IP6K2: variants seen among roughly 807,000 people sequenced by gnomAD.
IP6K2 encodes inositol hexakisphosphate kinase 2, also known as ATP:1D-myo-inositol-hexakisphosphate phosphotransferase.
IP6K2 carries 9 observed loss-of-function variants against 43.3 expected under a neutral mutation model. The observed-to-expected ratio is 0.21, with a 90% confidence interval of 0.13 to 0.36. The LOEUF is 0.36. Ranked by LOEUF, IP6K2 falls within the 10% of genes least tolerant of loss-of-function variation. The pLI is 1.00. For missense variants in IP6K2, 332 were observed against 538.4 expected (o/e 0.62, Z 3.79); for synonymous variants, 209 against 202.4 (o/e 1.03, Z -0.28).
chr3:48,695,055 C>A lies in IP6K2; in HGVS notation c.202+35G>T, dbSNP rs2078178428. 2 of 1,614,176 alleles carry A rather than the reference C, an allele frequency of 1.2e-6. No homozygotes were observed. The highest frequency in any genetic ancestry group is 3.3e-5 in the Admixed American group (2 of 60,016). On this transcript the variant is annotated intron_variant, in intron 2 of 5. Transcript: ENST00000328631. The surrounding 1 kb of genome is among the most constrained non-coding windows in gnomAD (Gnocchi z 4.6). ...GGCCACGATCTCTCACATCTCCTCG[C>A]CAGTGTGGCAACCCCTCCAGCAGCT...
chr3:48,710,115 G>A (rs568793178), intron 1 of IP6K2, among the ~76,000 whole-genome samples: 4 of 152,322 alleles, frequency 2.6e-5, no homozygotes, highest in South Asian at 4.1e-4. Context: ...GGCCAGGCAC[G>A]GAGGCTCACA....
intron 1 of IP6K2, among the ~76,000 whole-genome samples, chr3:48,698,778 T>C (rs2078696056): frequency 6.6e-6 from 1 of 152,028 alleles, no homozygotes; most frequent in African/African-American, 2.4e-5. Context: ...CAGCCCAAAA[T>C]TTTTAAAAAA....
At position 48,688,955 on chromosome 3, in the gene IP6K2, T is replaced by C. The variant is rs953276591; in HGVS notation, c.781-182A>G. On this transcript the variant is annotated intron_variant, in intron 5 of 5. Coordinates refer to ENST00000328631, the MANE Select transcript of IP6K2 (RefSeq NM_016291.4). The surrounding 1 kb of genome is among the most constrained non-coding windows in gnomAD (Gnocchi z 5.1). ...TCAGCCCCCACCTGGGATGCAGCCA[T>C]CCAACCTGGGTTTGGTCATTGTGCC... 6.6e-6 allele frequency among the ~76,000 whole-genome samples: 1 copy of C among 152,186 alleles called. No individual in the cohort carries two copies. The highest frequency in any genetic ancestry group is 2.4e-5 in the African/African-American group (1 of 41,446).
intron 1 of IP6K2, chr3:48,715,395 CTCTGGCA>C (rs1349661975): frequency 1.3e-6 from 2 of 1,536,266 alleles, no homozygotes; most frequent in Non-Finnish European, 1.7e-6. Context: ...TTACAGAAGG[CTCTGGCA>C]TCCCTCTTGG....
At chr3:48,690,231 C>A (rs2077647224) in intron 4 of IP6K2, among the ~76,000 whole-genome samples, 1 of 152,212 alleles carries the variant, frequency 6.6e-6, no homozygotes, top group South Asian at 2.1e-4. Flanking sequence ...TCATTATTTC[C>A]CATTCAAGGA....
Position 48,695,032 on chromosome 3 carries a change from CCACGAT to C in IP6K2, c.202+52_202+57del. 1 of 1,614,026 alleles carries C rather than the reference CCACGAT, an allele frequency of 6.2e-7. No individual in the cohort carries two copies. Among genetic ancestry groups the C allele is most frequent in the South Asian group, 1.1e-5 (1 of 91,076 alleles). ...GGATGGCTGCCAGGGCCTTCCATGG[CCACGAT>C]CTCTCACATCTCCTCGCCAGTGTGG... On this transcript the variant is annotated intron_variant, in intron 2 of 5. Coordinates refer to ENST00000328631, the MANE Select transcript of IP6K2 (RefSeq NM_016291.4). This position sits in a 1 kb window ranked among gnomAD's most constrained non-coding sequence, Gnocchi z 4.6.
At chr3:48,693,993 ACGACT>A in intron 2 of IP6K2, 31 of 1,372,220 alleles carry the variant, frequency 2.3e-5, no homozygotes, top group South Asian at 1.1e-4. Flanking sequence ...CGCCTTACAA[ACGACT>A]GGCTGAACAC....
At chr3:48,698,206 T>C (rs1274490447) in intron 1 of IP6K2, among the ~76,000 whole-genome samples, 2 of 152,212 alleles carry the variant, frequency 1.3e-5, no homozygotes, top group Non-Finnish European at 2.9e-5. Context: ...TGGTTGACAC[T>C]AGTCTACTGA....
At chr3:48,714,143 A>AACAAT (rs1272334377) in intron 1 of IP6K2, among the ~76,000 whole-genome samples, 114 of 152,208 alleles carry the variant, frequency 7.5e-4, no homozygotes, top group Non-Finnish European at 9.4e-4. Flanking sequence ...AACAAAACAA[A>AACAAT]AAACCCCTGA....
chr3:48,710,364 C>G (rs2080342251), intron 1 of IP6K2, among the ~76,000 whole-genome samples: 1 of 152,146 alleles, frequency 6.6e-6, no homozygotes, highest in Admixed American at 6.5e-5. Context: ...TGCACTCTAG[C>G]CTGGGTGACA....
intron 1 of IP6K2, among the ~76,000 whole-genome samples, chr3:48,696,896 A>G (rs1467532537): frequency 6.6e-6 from 1 of 152,172 alleles, no homozygotes; most frequent in Admixed American, 6.5e-5. Context: ...GCAAACAATG[A>G]AGGTGATTAG....
Position 48,695,471 on chromosome 3 carries a change from T to C in IP6K2, c.-130-50A>G, listed in dbSNP as rs748577358. On this transcript the variant is annotated intron_variant, in intron 1 of 5. Transcript: ENST00000328631. This position sits in a 1 kb window ranked among gnomAD's most constrained non-coding sequence, Gnocchi z 4.6. ...TGGGGGTTCGAAGTAGCGTGGGAAGTGCCTTAGAGCTGCTCACCCTGCTCC... is the reference window on the plus strand; with the variant it reads ...TGGGGGTTCGAAGTAGCGTGGGAAGCGCCTTAGAGCTGCTCACCCTGCTCC... 324 of 1,393,698 alleles carry C rather than the reference T, an allele frequency of 2.3e-4. 1 individual carries two copies. The highest frequency in any genetic ancestry group is 3.5e-4 in the Admixed American group (12 of 34,128). The allele number at this position is 1,393,698 out of a possible 1,614,324, so 86.3% of individuals were successfully genotyped here.
chr3:48,695,034 A>ACGATCTCTCACATCTCCT lies in IP6K2; in HGVS notation c.202+38_202+55dup. On this transcript the variant is annotated intron_variant, in intron 2 of 5. Transcript: ENST00000328631. This position sits in a 1 kb window ranked among gnomAD's most constrained non-coding sequence, Gnocchi z 4.6. Reference sequence around the variant, plus strand: ...ATGGCTGCCAGGGCCTTCCATGGCCACGATCTCTCACATCTCCTCGCCAGT... The same window carrying ACGATCTCTCACATCTCCT: ...ATGGCTGCCAGGGCCTTCCATGGCCACGATCTCTCACATCTCCTCGATCTCTCACATCTCCTCGCCAGT... 6.2e-7 allele frequency: 1 copy of ACGATCTCTCACATCTCCT among 1,614,094 alleles called. No individual in the cohort carries two copies. The highest frequency in any genetic ancestry group is 8.5e-7 in the Non-Finnish European group (1 of 1,179,982).
In IP6K2 at chr3:48,695,463, G is replaced by A. The variant is rs1192829120; in HGVS notation, c.-130-42C>T. On this transcript the variant is annotated intron_variant, in intron 1 of 5. Transcript: ENST00000328631. This position sits in a 1 kb window ranked among gnomAD's most constrained non-coding sequence, Gnocchi z 4.6. ...TGATGACATGGGGGTTCGAAGTAGC[G>A]TGGGAAGTGCCTTAGAGCTGCTCAC... The A allele has an allele frequency of 5.7e-6, 8 of 1,398,912 alleles. No homozygotes were observed. The highest frequency in any genetic ancestry group is 1.9e-4 in the Middle Eastern group (1 of 5,372). The allele number at this position is 1,398,912 out of a possible 1,614,324, so 86.7% of individuals were successfully genotyped here. A position where few individuals can be genotyped will look rare whatever the true frequency, so the allele number is the denominator to read the frequency against.
chr3:48,709,820 G>A (rs1428780172), intron 1 of IP6K2, among the ~76,000 whole-genome samples: 1 of 149,498 alleles, frequency 6.7e-6, no homozygotes, highest in Non-Finnish European at 1.5e-5. Context: ...CTGGGCAAGA[G>A]AGCGAGACTC....
chr3:48,700,738 A>C (rs1363668292), intron 1 of IP6K2, among the ~76,000 whole-genome samples: 1 of 152,198 alleles, frequency 6.6e-6, no homozygotes, highest in African/African-American at 2.4e-5. Context: ...TCCAGAATTT[A>C]GTTAAAGAGG....
At chr3:48,711,955 TGAG>T (rs2080571341) in intron 1 of IP6K2, among the ~76,000 whole-genome samples, 1 of 152,062 alleles carries the variant, frequency 6.6e-6, no homozygotes, top group African/African-American at 2.4e-5. Flanking sequence ...CCCCTGCTGA[TGAG>T]GAGGAAGGAA....
intron 1 of IP6K2, among the ~76,000 whole-genome samples, chr3:48,705,445 G>A (rs879350903): frequency 4.0e-5 from 6 of 151,738 alleles, no homozygotes; most frequent in Non-Finnish European, 7.4e-5. Context: ...TTGGGAGGCC[G>A]AGGCGGGCGG....
Position 48,688,185 on chromosome 3 carries a change from C to T in IP6K2, c.*88G>A. 1 of 1,476,240 alleles carries T rather than the reference C, an allele frequency of 6.8e-7. No homozygotes were observed. Among genetic ancestry groups the T allele is most frequent in the South Asian group, 1.3e-5 (1 of 79,336 alleles). The allele number at this position is 1,476,240 out of a possible 1,614,324, so 91.4% of individuals were successfully genotyped here. A position where few individuals can be genotyped will look rare whatever the true frequency, so the allele number is the denominator to read the frequency against. ...ATCAGCTCCAGGCTGCAGGAGCCAC[C>T]ACCTGGCCATACTGGCTTCCTCCCT... On this transcript the variant is annotated 3_prime_UTR_variant, in exon 6 of 6. Coordinates refer to ENST00000328631, the MANE Select transcript of IP6K2 (RefSeq NM_016291.4). The surrounding 1 kb of genome is among the most constrained non-coding windows in gnomAD (Gnocchi z 5.1).
Sources: allele counts gnomAD v4.1 joint callset (sites outside exome capture counted in the v4.1 genomes callset), GRCh38; gene constraint gnomAD v4.1.1; non-coding constraint Gnocchi (gnomAD v3.1); transcripts MANE v1.5; gene names NCBI Gene and HGNC (gene_info 2026-07-23, HGNC 2026-07-21).